The following GNE variants were observed in gnomAD, a reference collection of about 807,000 sequenced individuals.
GNE encodes glucosamine (UDP-N-acetyl)-2-epimerase/N-acetylmannosamine kinase.
Under a neutral mutation model 61.8 loss-of-function variants are expected in GNE, and 41 were observed. The ratio of observed to expected loss-of-function variants is 0.66; its 90% CI spans 0.52 to 0.86. GNE has a LOEUF of 0.86. GNE is among the 40% of genes least tolerant of loss of function. GNE has a pLI of 0.00. For synonymous variants in GNE, 264 were observed against 326.4 expected, an observed-to-expected ratio of 0.81 and a Z score of 2.06; for missense variants, 608 against 909.1, an observed-to-expected ratio of 0.67 and a Z score of 4.26.
At chr9:36,252,617 A>C (rs935208136) in intron 1 of GNE, among the ~76,000 whole-genome samples, 18 of 152,208 alleles carry the variant, frequency 1.2e-4, no homozygotes, top group Non-Finnish European at 2.9e-5. Flanking sequence ...TTAAAAAGTC[A>C]AAGCTTTTTC....
At chr9:36,272,193 G>T (rs1831053616) in intron 1 of GNE, among the ~76,000 whole-genome samples, 1 of 152,222 alleles carries the variant, frequency 6.6e-6, no homozygotes, top group African/African-American at 2.4e-5. Context: ...ACTGGGAGAT[G>T]CAGACAAGAT....
intron 1 of GNE, among the ~76,000 whole-genome samples, chr9:36,271,375 T>G (rs1475050928): frequency 6.6e-6 from 1 of 152,218 alleles, no homozygotes; most frequent in African/African-American, 2.4e-5. Context: ...CTCAAACTTT[T>G]TGTTTCATTT....
At chr9:36,265,511 A>T (rs1241502186) in intron 1 of GNE, 6 of 456,400 alleles carry the variant, frequency 1.3e-5, no homozygotes, top group South Asian at 9.3e-5. Context: ...GGTGGAATAA[A>T]CTGAGCAATT....
intron 6 of GNE, 94 bp downstream of exon 6, chr9:36,228,927 C>T: frequency 1.2e-6 from 1 of 823,582 alleles, no homozygotes; most frequent in East Asian, 2.4e-5. Context: ...AAGGAAAGCT[C>T]TGTTAGGATG....
At chr9:36,276,975 GT>G (rs1777524678) in exon 1 of GNE, 1 of 1,613,054 alleles carries the variant, frequency 6.2e-7, no homozygotes, top group African/African-American at 1.3e-5. Context: ...CCCTAGTGTG[GT>G]TTGAAATAAT....
At chr9:36,241,530 C>T (rs1444123008) in intron 3 of GNE, among the ~76,000 whole-genome samples, 2 of 152,198 alleles carry the variant, frequency 1.3e-5, no homozygotes, top group African/African-American at 4.8e-5. Context: ...GGCAAGAATA[C>T]ATTTCATACA....
intron 4 of GNE, among the ~76,000 whole-genome samples, chr9:36,235,410 G>A (rs1002253498): frequency 6.6e-6 from 1 of 152,090 alleles, no homozygotes; most frequent in Non-Finnish European, 1.5e-5. Flanking sequence ...TGTTCCCTGT[G>A]TATAGCTTAT....
intron 5 of GNE, among the ~76,000 whole-genome samples, chr9:36,230,434 C>T (rs1227275984): frequency 6.6e-6 from 1 of 152,060 alleles, no homozygotes. Flanking sequence ...AGAGGTTGGT[C>T]CTGGGCTCCA....
chr9:36,240,867 G>C (rs1587327388), intron 3 of GNE, among the ~76,000 whole-genome samples: 1 of 152,026 alleles, frequency 6.6e-6, no homozygotes, highest in African/African-American at 2.4e-5. Context: ...AATTCTTCCT[G>C]ATTTAAGCTA....
At chr9:36,276,826 C>G in intron 1 of GNE, 3 of 1,227,508 alleles carry the variant, frequency 2.4e-6, no homozygotes, top group Non-Finnish European at 3.5e-6. Context: ...TGTAATTTTC[C>G]TTTTTCCCCC....
intron 1 of GNE, chr9:36,265,624 CAG>C: frequency 2.8e-6 from 1 of 350,962 alleles, no homozygotes; most frequent in Non-Finnish European, 6.0e-6. Flanking sequence ...TTTTAATTAC[CAG>C]AGTCTCTAGG....
intron 3 of GNE, among the ~76,000 whole-genome samples, chr9:36,244,585 C>A (rs1383206560): frequency 6.6e-6 from 1 of 152,116 alleles, no homozygotes; most frequent in African/African-American, 2.4e-5. Context: ...GTACTTATGG[C>A]TTACTGCTTC....
chr9:36,274,816 G>T (rs1351741167), intron 1 of GNE, among the ~76,000 whole-genome samples: 1 of 134,252 alleles, frequency 7.4e-6, no homozygotes, highest in Non-Finnish European at 1.6e-5. Flanking sequence ...TCCGCCTCCC[G>T]GGTTCACGCC....
At chr9:36,238,734 AGTTT>A (rs1436465035) in intron 3 of GNE, among the ~76,000 whole-genome samples, 2 of 152,082 alleles carry the variant, frequency 1.3e-5, no homozygotes, top group Admixed American at 1.3e-4. Context: ...AAAGCTCTTT[AGTTT>A]AATTAGGTCC....
At chr9:36,240,551 A>T (rs1263047720) in intron 3 of GNE, among the ~76,000 whole-genome samples, 1 of 152,130 alleles carries the variant, frequency 6.6e-6, no homozygotes, top group Non-Finnish European at 1.5e-5. Context: ...GTTGGATTTG[A>T]TTAGCTAGTA....
Position 36,226,739 on chromosome 9 carries a change from T to G in GNE, c.1281+509A>C, listed in dbSNP as rs376123794. On this transcript the variant is annotated intron_variant, in intron 7 of 11. Coordinates refer to ENST00000642385, the MANE Select transcript of GNE (RefSeq NM_005476.7). Reference sequence around the variant, plus strand: ...TAACATGAACAGTTTGTTATTTTTATGAATGTTCTCTCACCTGTCAACACT... The same window carrying G: ...TAACATGAACAGTTTGTTATTTTTAGGAATGTTCTCTCACCTGTCAACACT... 9.8e-5 allele frequency among the ~76,000 whole-genome samples: 15 copies of G among 152,350 alleles called. No homozygotes were observed. In the South Asian group the frequency reaches 3.1e-3, roughly 32 times the overall value.
At chr9:36,244,812 C>T (rs1432097499) in intron 3 of GNE, among the ~76,000 whole-genome samples, 1 of 150,940 alleles carries the variant, frequency 6.6e-6, no homozygotes, top group South Asian at 2.1e-4. Context: ...TGGTGGTGTG[C>T]GCCTGTAACC....
intron 1 of GNE, among the ~76,000 whole-genome samples, chr9:36,253,603 T>G (rs1225009610): frequency 1.3e-5 from 2 of 152,058 alleles, no homozygotes; most frequent in Admixed American, 1.3e-4. Flanking sequence ...TAAAATGCTT[T>G]TAATTATGAC....
At chr9:36,276,410 A>G (rs1831263543) in intron 1 of GNE, among the ~76,000 whole-genome samples, 1 of 152,174 alleles carries the variant, frequency 6.6e-6, no homozygotes, top group Non-Finnish European at 1.5e-5. Context: ...TGACTTAGAT[A>G]CTAATTAACT....
Sources: gnomAD v4.1 joint callset for allele counts (sites outside exome capture counted in the v4.1 genomes callset) on GRCh38, gnomAD v4.1.1 for gene constraint, MANE v1.5 for transcripts, NCBI Gene and HGNC (gene_info 2026-07-23, HGNC 2026-07-21) for gene names.